The following COL4A2 variants were observed in gnomAD, a reference collection of about 807,000 sequenced individuals.
COL4A2 encodes collagen alpha-2(IV) chain.
A neutral mutation model predicts 200.2 loss-of-function variants in COL4A2; 99 were observed. The ratio of observed to expected loss-of-function variants is 0.49; its 90% confidence interval spans 0.42 to 0.58. The LOEUF is 0.58. Ranked by LOEUF, COL4A2 falls within the 20% of genes least tolerant of loss-of-function variation. The pLI, the probability that COL4A2 is intolerant of heterozygous loss-of-function variation, is 0.00. For missense variants in COL4A2, 1,950 were observed against 2,314.1 expected (o/e 0.84, Z 3.23); for synonymous variants, 897 against 900.6 (o/e 1.00, Z 0.07).
At chr13:110,380,335 T>C (rs545877834) in intron 4 of COL4A2, among the ~76,000 whole-genome samples, 1 of 152,338 alleles carries the variant, frequency 6.6e-6, no homozygotes, top group African/African-American at 2.4e-5. Flanking sequence ...CAGTATTGTT[T>C]ATGATTTTAT....
At chr13:110,486,805 A>G (rs1594103429) in intron 34 of COL4A2, among the ~76,000 whole-genome samples, 3 of 152,264 alleles carry the variant, frequency 2.0e-5, no homozygotes, top group African/African-American at 7.2e-5. Flanking sequence ...GGTGCTCAGT[A>G]GGGGAGCTTT....
chr13:110,500,260 C>T (rs1301128642), intron 40 of COL4A2, among the ~76,000 whole-genome samples: 1 of 152,176 alleles, frequency 6.6e-6, no homozygotes, highest in Non-Finnish European at 1.5e-5. Flanking sequence ...CACTGTTTCG[C>T]CCAGCTCACT....
intron 3 of COL4A2, among the ~76,000 whole-genome samples, chr13:110,310,008 CAAAA>C (rs376573727): frequency 4.6e-5 from 7 of 151,904 alleles, no homozygotes; most frequent in Non-Finnish European, 7.4e-5. Context: ...AACAAACAAA[CAAAA>C]AAAACCTAGT....
At chr13:110,450,858 G>T (rs1349414722) in intron 20 of COL4A2, among the ~76,000 whole-genome samples, 2 of 152,314 alleles carry the variant, frequency 1.3e-5, no homozygotes, top group East Asian at 1.9e-4. Flanking sequence ...ACCCTTGACT[G>T]GCAGCCTCTC....
At position 110,508,382 on chromosome 13, in the gene COL4A2, A is replaced by G; in HGVS notation, c.4881+161A>G. On this transcript the variant is annotated intron_variant, in intron 47 of 47. Transcript: ENST00000360467. The surrounding 1 kb of genome is among the most constrained non-coding windows in gnomAD (Gnocchi z 6.1). ...GAGCGAGAGCTGGAACACAGCTTAC[A>G]CTTGGCTAACTGAGCCACATGCTGG... 8.7e-7 allele frequency: 1 copy of G among 1,149,198 alleles called. No homozygotes were observed. The allele number at this position is 1,149,198 out of a possible 1,614,324, so 71.2% of individuals were successfully genotyped here. A position where few individuals can be genotyped will look rare whatever the true frequency, so the allele number is the denominator to read the frequency against.
At chr13:110,444,486 A>G (rs372185054) in intron 16 of COL4A2, among the ~76,000 whole-genome samples, 5 of 152,196 alleles carry the variant, frequency 3.3e-5, no homozygotes, top group Middle Eastern at 3.2e-3. Flanking sequence ...GTTTGTCTTT[A>G]CTTTTGAGTC....
At position 110,440,682 on chromosome 13, in the gene COL4A2, A is replaced by C. The variant is rs115633061; in HGVS notation, c.957+849A>C. On this transcript the variant is annotated intron_variant, in intron 16 of 47. Transcript: ENST00000360467. ...TTTAGAACCGTCTGAACTCTAGGTCATACACAATGTTATAGTTCAGTGGTT... is the reference window on the plus strand; with the variant it reads ...TTTAGAACCGTCTGAACTCTAGGTCCTACACAATGTTATAGTTCAGTGGTT... Among the ~76,000 whole-genome samples the C allele has an allele frequency of 3.7e-3, 571 of 152,322 alleles. 2 individuals are homozygous for C. The highest frequency in any genetic ancestry group is 0.012 in the African/African-American group (508 of 41,580).
intron 4 of COL4A2, among the ~76,000 whole-genome samples, chr13:110,363,696 G>A (rs1439793577): frequency 2.0e-5 from 3 of 152,116 alleles, no homozygotes; most frequent in Non-Finnish European, 2.9e-5. Flanking sequence ...GGAGAGCAGC[G>A]GTCTTGCCAA....
In COL4A2 at chr13:110,319,214, G is replaced by A. The variant is rs372771231; in HGVS notation, c.99+11091G>A. Among the ~76,000 whole-genome samples the A allele has an allele frequency of 4.1e-3, 618 of 152,182 alleles. 2 individuals carry two copies. Among genetic ancestry groups the A allele is most frequent in the Non-Finnish European group, 6.7e-3 (458 of 67,996 alleles). On this transcript the variant is annotated intron_variant, in intron 3 of 47. Transcript: ENST00000360467. Reference sequence around the variant, plus strand: ...GATGGCCGCTGAGTGAGAACTGGTGGAGATGCGCCTTCCTGATGCCTTGAG... The same window carrying A: ...GATGGCCGCTGAGTGAGAACTGGTGAAGATGCGCCTTCCTGATGCCTTGAG...
chr13:110,452,016 A>G (rs1306631579), intron 20 of COL4A2, among the ~76,000 whole-genome samples: 1 of 152,258 alleles, frequency 6.6e-6, no homozygotes, highest in Non-Finnish European at 1.5e-5. Flanking sequence ...AAATTCCCTG[A>G]CATTGCCCCT....
intron 3 of COL4A2, among the ~76,000 whole-genome samples, chr13:110,351,606 A>G (rs1046379195): frequency 6.6e-6 from 1 of 152,232 alleles, no homozygotes; most frequent in Non-Finnish European, 1.5e-5. Flanking sequence ...TGGTTCCACA[A>G]CACTAAAGAT....
intron 24 of COL4A2, among the ~76,000 whole-genome samples, chr13:110,464,355 T>C (rs958950915): frequency 2.6e-5 from 4 of 152,132 alleles, no homozygotes; most frequent in Non-Finnish European, 5.9e-5. Flanking sequence ...CCAGTGCTTG[T>C]GTGCCTTCCT....
chr13:110,386,657 T>A (rs959030888), intron 4 of COL4A2, among the ~76,000 whole-genome samples: 2 of 152,234 alleles, frequency 1.3e-5, no homozygotes, highest in Non-Finnish European at 2.9e-5. Flanking sequence ...AATATGCAAT[T>A]ATAATAATAA....
intron 3 of COL4A2, among the ~76,000 whole-genome samples, chr13:110,325,546 C>A (rs940082741): frequency 6.6e-6 from 1 of 151,758 alleles, no homozygotes. Context: ...ATTGGAAGAT[C>A]AGTGGCTGAG....
At chr13:110,319,222 C>A in intron 3 of COL4A2, among the ~76,000 whole-genome samples, 1 of 152,026 alleles carries the variant, frequency 6.6e-6, no homozygotes, top group East Asian at 1.9e-4. Flanking sequence ...TGGAGATGCG[C>A]CTTCCTGATG....
chr13:110,313,992 T>C (rs1296225042), intron 3 of COL4A2, among the ~76,000 whole-genome samples: 1 of 152,250 alleles, frequency 6.6e-6, no homozygotes, highest in Non-Finnish European at 1.5e-5. Flanking sequence ...ACATGCTTTT[T>C]TGTAAAACCG....
intron 3 of COL4A2, among the ~76,000 whole-genome samples, chr13:110,352,741 A>T (rs1877018906): frequency 6.6e-6 from 1 of 151,988 alleles, no homozygotes; most frequent in Non-Finnish European, 1.5e-5. Flanking sequence ...GCCTATGAGG[A>T]GGTGAGAGTC....
In COL4A2 at chr13:110,336,789, C is replaced by T. The variant is rs546864219; in HGVS notation, c.100-20683C>T. The stretch of plus-strand genomic sequence containing the variant: ...CCCAGGGCCTTATTCCTGAAGCTTT[C>T]GTTGATCAGCTTCTGGGAAGCCTCC... On this transcript the variant is annotated intron_variant, in intron 3 of 47. Coordinates refer to ENST00000360467, the MANE Select transcript of COL4A2 (RefSeq NM_001846.4). Among the ~76,000 whole-genome samples, 264 of 152,310 alleles carry T rather than the reference C, an allele frequency of 1.7e-3. 1 individual carries two copies. The highest frequency in any genetic ancestry group is 3.0e-3 in the Non-Finnish European group (201 of 68,030).
intron 34 of COL4A2, 127 bp downstream of exon 34, chr13:110,485,963 C>T: frequency 7.0e-7 from 1 of 1,434,504 alleles, no homozygotes; most frequent in South Asian, 1.3e-5. Context: ...CAGCCTCAGG[C>T]TTGGTGGGGT....
Sources: gnomAD v4.1 joint callset for allele counts (sites outside exome capture counted in the v4.1 genomes callset) on GRCh38, gnomAD v4.1.1 for gene constraint, Gnocchi (gnomAD v3.1) non-coding constraint, MANE v1.5 for transcripts, NCBI Gene and HGNC (gene_info 2026-07-23, HGNC 2026-07-21) for gene names.